Variants in OPCML observed in about 807,000 individuals in gnomAD.
OPCML encodes the protein opioid-binding protein/cell adhesion molecule.
Under a neutral mutation model 37.8 loss-of-function variants are expected in OPCML, and 13 were observed. That is an observed-to-expected ratio of 0.34 (90% CI 0.22 to 0.55). OPCML has a LOEUF of 0.55. Ranked by LOEUF, OPCML falls within the 20% of genes least tolerant of loss-of-function variation. The pLI is 0.91. For synonymous variants in OPCML, 176 were observed against 168.8 expected (o/e 1.04, Z -0.33); for missense variants, 341 against 435.6 (o/e 0.78, Z 1.93).
chr11:133,049,459 G>C (rs768733897), intron 1 of OPCML, among the ~76,000 whole-genome samples: 10 of 152,150 alleles, frequency 6.6e-5, no homozygotes, highest in Non-Finnish European at 1.3e-4. Flanking sequence ...CTTTCAGTAA[G>C]CAACTTGACT....
chr11:133,525,064 G>T (rs1209111357), intron 1 of OPCML, among the ~76,000 whole-genome samples: 1 of 152,224 alleles, frequency 6.6e-6, no homozygotes, highest in African/African-American at 2.4e-5. Flanking sequence ...GTCTCTGCCT[G>T]TATAAACAAT....
chr11:133,023,785 T>C (rs963588779), intron 1 of OPCML, among the ~76,000 whole-genome samples: 8 of 152,210 alleles, frequency 5.3e-5, no homozygotes, highest in Non-Finnish European at 8.8e-5. Flanking sequence ...ACAAAAAGCC[T>C]GCCTGAGTCT....
intron 3 of OPCML, among the ~76,000 whole-genome samples, chr11:132,579,633 C>A (rs776615233): frequency 1.1e-4 from 16 of 152,062 alleles, no homozygotes; most frequent in Non-Finnish European, 2.4e-4. Context: ...TTCCCAGGAC[C>A]TGAAGAATTC....
chr11:132,696,928 A>G (rs969821068), intron 2 of OPCML, among the ~76,000 whole-genome samples: 1 of 152,224 alleles, frequency 6.6e-6, no homozygotes, highest in Admixed American at 6.5e-5. Flanking sequence ...ATATACAGAT[A>G]CATCACTGTG....
intron 4 of OPCML, among the ~76,000 whole-genome samples, chr11:132,444,725 C>T (rs2096048831): frequency 6.6e-6 from 1 of 152,088 alleles, no homozygotes; most frequent in Non-Finnish European, 1.5e-5. Flanking sequence ...CTGTCCCCAA[C>T]TCCGTCCCCC....
chr11:132,975,357 A>G (rs1180229078), intron 1 of OPCML, among the ~76,000 whole-genome samples: 1 of 151,814 alleles, frequency 6.6e-6, no homozygotes, highest in African/African-American at 2.4e-5. Context: ...TGAACCATGC[A>G]AAGTTTTGGA....
chr11:132,701,420 G>A (rs1943811635), intron 2 of OPCML, among the ~76,000 whole-genome samples: 1 of 152,126 alleles, frequency 6.6e-6, no homozygotes, highest in African/African-American at 2.4e-5. Flanking sequence ...CTTATGACAG[G>A]CTTTTACTTA....
At chr11:133,060,197 TCTCCCTCTCCCTCCCC>T (rs1591962329) in intron 1 of OPCML, among the ~76,000 whole-genome samples, 1 of 149,748 alleles carries the variant, frequency 6.7e-6, no homozygotes, top group East Asian at 2.0e-4. Context: ...TCCTTCTCCC[TCTCCCTCTCCCTCCCC>T]CTCCACCTCC....
At chr11:132,655,369 C>T (rs1452705471) in intron 3 of OPCML, among the ~76,000 whole-genome samples, 1 of 152,158 alleles carries the variant, frequency 6.6e-6, no homozygotes, top group East Asian at 1.9e-4. Flanking sequence ...TTTTCTACAC[C>T]CTCAGAAACG....
At chr11:132,833,974 C>T (rs1940862269) in intron 2 of OPCML, among the ~76,000 whole-genome samples, 1 of 152,068 alleles carries the variant, frequency 6.6e-6, no homozygotes, top group Non-Finnish European at 1.5e-5. Context: ...TAGTTTAGAA[C>T]AAAAAAGAGA....
At chr11:132,924,895 C>T (rs934855472) in intron 2 of OPCML, among the ~76,000 whole-genome samples, 3 of 150,848 alleles carry the variant, frequency 2.0e-5, no homozygotes, top group Non-Finnish European at 4.4e-5. Context: ...TCTGATATCT[C>T]ATTACACATA....
At chr11:133,331,287 C>G (rs1229004736) in intron 1 of OPCML, among the ~76,000 whole-genome samples, 2 of 152,156 alleles carry the variant, frequency 1.3e-5, no homozygotes, top group East Asian at 1.9e-4. Flanking sequence ...TGGGCTGTGA[C>G]TTGACCCATG....
chr11:132,774,259 G>A (rs1244845675), intron 2 of OPCML, among the ~76,000 whole-genome samples: 1 of 152,172 alleles, frequency 6.6e-6, no homozygotes, highest in Admixed American at 6.5e-5. Context: ...CTGCCCTGCT[G>A]TTCTCATCCA....
rs115296501 is a variant in OPCML, at chr11:132,422,729, C to T, written c.917-2436G>A. 4.3e-3 allele frequency among the ~76,000 whole-genome samples: 653 copies of T among 152,320 alleles called. 4 individuals carry two copies. The highest frequency in any genetic ancestry group is 0.015 in the African/African-American group (612 of 41,570). ...CAGTTAGACATCTTAGCTATGGCCA[C>T]GCAACTTATGCACCTTGAGCTGGAT... is the stretch of plus-strand genomic sequence containing the variant. On this transcript the variant is annotated intron_variant, in intron 7 of 7. Transcript: ENST00000524381.
chr11:132,627,349 G>A (rs1458137121), intron 3 of OPCML, among the ~76,000 whole-genome samples: 2 of 152,146 alleles, frequency 1.3e-5, no homozygotes, highest in African/African-American at 4.8e-5. Context: ...CAGGAATATT[G>A]AGGGTGGGTG....
At chr11:133,438,152 C>T (rs1946283150) in intron 1 of OPCML, among the ~76,000 whole-genome samples, 1 of 152,162 alleles carries the variant, frequency 6.6e-6, no homozygotes, top group Admixed American at 6.5e-5. Context: ...CAGATGTTCT[C>T]AACCATGGAG....
chr11:133,144,426 G>A (rs1265968322), intron 1 of OPCML, among the ~76,000 whole-genome samples: 1 of 152,238 alleles, frequency 6.6e-6, no homozygotes, highest in Non-Finnish European at 1.5e-5. Context: ...TCTTCAGGCA[G>A]CTGGCGTATC....
chr11:132,650,619 C>T (rs377034326), intron 3 of OPCML, among the ~76,000 whole-genome samples: 8 of 152,026 alleles, frequency 5.3e-5, no homozygotes, highest in African/African-American at 1.9e-4. Flanking sequence ...ACACACACAG[C>T]CACACATGGG....
chr11:133,379,413 C>T (rs1176492236), intron 1 of OPCML, among the ~76,000 whole-genome samples: 2 of 152,218 alleles, frequency 1.3e-5, no homozygotes, highest in African/African-American at 2.4e-5. Context: ...TTCTTCAGCA[C>T]TTCATTTATT....
Sources: gnomAD v4.1 joint callset for allele counts (sites outside exome capture counted in the v4.1 genomes callset) on GRCh38, gnomAD v4.1.1 for gene constraint, MANE v1.5 for transcripts, NCBI Gene and HGNC (gene_info 2026-07-23, HGNC 2026-07-21) for gene names.